COL23A1: variants seen among roughly 807,000 people sequenced by gnomAD.
COL23A1 encodes the protein collagen type XXIII alpha 1 chain, also known as collagen alpha-1(XXIII) chain.
COL23A1 carries 97 observed loss-of-function variants against 99.3 expected under a neutral mutation model. The ratio of observed to expected loss-of-function variants is 0.98; its 90% CI spans 0.83 to 1.16. The LOEUF (loss-of-function observed/expected upper bound fraction) is 1.16. Among genes scored for constraint, COL23A1 ranks in the 50% most tolerant of loss-of-function variants. The probability of loss-of-function intolerance (pLI) is 0.00; values close to 1 mark genes in which losing one functional copy is unlikely to be tolerated. For synonymous variants in COL23A1, 320 were observed against 308.2 expected, an observed-to-expected ratio of 1.04 and a Z score of -0.40; for missense variants, 762 against 757.4, an observed-to-expected ratio of 1.01 and a Z score of -0.07.
At chr5:178,305,993 G>A (rs1012547327) in intron 3 of COL23A1, among the ~76,000 whole-genome samples, 2 of 151,996 alleles carry the variant, frequency 1.3e-5, no homozygotes, top group Non-Finnish European at 2.9e-5. Flanking sequence ...CCAACCTCGG[G>A]GACCCGGAGG....
Position 178,366,049 on chromosome 5 carries a change from C to A in COL23A1, c.362-59130G>T, listed in dbSNP as rs1581239621. Among the ~76,000 whole-genome samples the A allele has an allele frequency of 1.3e-5, 2 of 152,202 alleles. No individual in the cohort carries two copies. The highest frequency in any genetic ancestry group is 1.3e-4 in the Admixed American group (2 of 15,288). On this transcript the variant is annotated intron_variant, in intron 2 of 28. Coordinates refer to ENST00000390654, the MANE Select transcript of COL23A1 (RefSeq NM_173465.4). This position sits in a 1 kb window ranked among gnomAD's most constrained non-coding sequence, Gnocchi z 4.4. ...TCATCTGAGCTCGCTTCAGATGACGCCCCCAGTGCCAGGTGATCATCTGCC... is the reference window on the plus strand; with the variant it reads ...TCATCTGAGCTCGCTTCAGATGACGACCCCAGTGCCAGGTGATCATCTGCC...
intron 25 of COL23A1, among the ~76,000 whole-genome samples, chr5:178,243,138 C>T (rs968302255): frequency 6.6e-6 from 1 of 151,168 alleles, no homozygotes. Flanking sequence ...TGCAGTGAGC[C>T]GAGATCGCAC....
intron 2 of COL23A1, among the ~76,000 whole-genome samples, chr5:178,357,776 GTATGTGTA>G (rs1257879568): frequency 1.2e-4 from 18 of 144,266 alleles, no homozygotes; most frequent in African/African-American, 4.4e-4. Flanking sequence ...ATGTATGTGT[GTATGTGTA>G]TGTGTGTGTG....
rs760867158 is a variant in COL23A1, at chr5:178,244,925, TCATC to T, written c.1440+1013_1440+1016del. 3.9e-5 allele frequency among the ~76,000 whole-genome samples: 6 copies of T among 152,100 alleles called. No individual in the cohort carries two copies. The South Asian group carries it at 6.2e-4, about 16-fold the overall frequency. ...CTCTTCACTTCCTTGCTACAATGCATCATCCATCCATCCATCCATCCCTCCACTG... is the reference window on the plus strand; with the variant it reads ...CTCTTCACTTCCTTGCTACAATGCATCATCCATCCATCCATCCCTCCACTG... On this transcript the variant is annotated intron_variant, in intron 25 of 28. Transcript: ENST00000390654.
intron 2 of COL23A1, among the ~76,000 whole-genome samples, chr5:178,551,761 C>A (rs1762015585): frequency 6.6e-6 from 1 of 152,296 alleles, no homozygotes; most frequent in Middle Eastern, 3.4e-3. Context: ...CTGAGCACCC[C>A]CTCAGGGGCC....
In COL23A1 at chr5:178,428,588, C is replaced by T. The variant is rs970740269; in HGVS notation, c.362-121669G>A. Among the ~76,000 whole-genome samples the T allele has an allele frequency of 7.9e-5, 12 of 152,348 alleles. No homozygotes were observed. Among genetic ancestry groups the T allele is most frequent in the South Asian group, 2.1e-4 (1 of 4,832 alleles). ...CTCCTCCTGGCTGGCAGCCCCTGCC[C>T]GGCCCAGGCCTTTTTAGCCCCCGAG... On this transcript the variant is annotated intron_variant, in intron 2 of 28. Transcript: ENST00000390654. The surrounding 1 kb of genome is among the most constrained non-coding windows in gnomAD (Gnocchi z 5.0).
In COL23A1 at chr5:178,456,378, C is replaced by A. The variant is rs562724335; in HGVS notation, c.361+104304G>T. Among the ~76,000 whole-genome samples the A allele has an allele frequency of 2.6e-5, 4 of 152,236 alleles. No homozygotes were observed. The South Asian group carries it at 8.3e-4, about 32-fold the overall frequency. ...AACATGTAACCGATATCAGATGGGA[C>A]TGGACAATGAGAGAAACAGTCAAAA... is the stretch of plus-strand genomic sequence containing the variant. On this transcript the variant is annotated intron_variant, in intron 2 of 28. Transcript: ENST00000390654.
intron 2 of COL23A1, among the ~76,000 whole-genome samples, chr5:178,374,548 G>A (rs538891396): frequency 1.4e-3 from 219 of 152,312 alleles, no homozygotes; most frequent in African/African-American, 5.1e-3. Context: ...ACTTCTCTGT[G>A]CCTCAGTTTC....
chr5:178,240,440 A>C (rs1220380463), intron 27 of COL23A1, among the ~76,000 whole-genome samples: 1 of 152,152 alleles, frequency 6.6e-6, no homozygotes, highest in African/African-American at 2.4e-5. Flanking sequence ...CACACGGCAC[A>C]CAGCAGGCCA....
intron 6 of COL23A1, 129 bp downstream of exon 6, chr5:178,270,208 C>A: frequency 9.2e-7 from 1 of 1,084,726 alleles, no homozygotes; most frequent in Non-Finnish European, 1.4e-6. Context: ...AGTCTGACAC[C>A]CAAAAGGCTT....
intron 2 of COL23A1, among the ~76,000 whole-genome samples, chr5:178,380,393 T>TTGTGTGTGTG (rs112420315): frequency 2.7e-4 from 40 of 147,220 alleles, no homozygotes; most frequent in South Asian, 1.3e-3. Flanking sequence ...GAGCATGCAT[T>TTGTGTGTGTG]TGTGTGTGTG....
intron 22 of COL23A1, 61 bp downstream of exon 22, chr5:178,247,465 G>T (rs573225345): frequency 9.4e-6 from 15 of 1,594,464 alleles, no homozygotes; most frequent in East Asian, 2.2e-5. Flanking sequence ...CATTGGCAAG[G>T]CTCTTGGAAA....
intron 1 of COL23A1, among the ~76,000 whole-genome samples, chr5:178,573,958 A>C (rs1162374779): frequency 6.6e-6 from 1 of 152,084 alleles, no homozygotes; most frequent in Non-Finnish European, 1.5e-5. Flanking sequence ...TCCCAGGTTC[A>C]AGCGATTCTC....
Position 178,310,409 on chromosome 5 carries a change from C to T in COL23A1, c.362-3490G>A, listed in dbSNP as rs891048572. 2.0e-5 allele frequency among the ~76,000 whole-genome samples: 3 copies of T among 152,208 alleles called. No homozygotes were observed. Among genetic ancestry groups the T allele is most frequent in the Middle Eastern group, 3.2e-3 (1 of 316 alleles). The stretch of plus-strand genomic sequence containing the variant: ...ACCCAGTGAGCATGAACTTGGGACC[C>T]TTTTCCTCCAGGACTCCCTGTGCCC... On this transcript the variant is annotated intron_variant, in intron 2 of 28. Coordinates refer to ENST00000390654, the MANE Select transcript of COL23A1 (RefSeq NM_173465.4). This position sits in a 1 kb window ranked among gnomAD's most constrained non-coding sequence, Gnocchi z 4.3.
chr5:178,514,794 G>C (rs1029799422), intron 2 of COL23A1, among the ~76,000 whole-genome samples: 6 of 152,196 alleles, frequency 3.9e-5, no homozygotes, highest in Non-Finnish European at 7.3e-5. Context: ...CGTTTTCCCA[G>C]GCTCAGAATC....
intron 2 of COL23A1, among the ~76,000 whole-genome samples, chr5:178,450,090 G>A (rs961500198): frequency 1.3e-5 from 2 of 152,150 alleles, no homozygotes; most frequent in African/African-American, 4.8e-5. Context: ...TGATTTAGAT[G>A]TGGGAATTAC....
chr5:178,362,297 G>T (rs867430657), intron 2 of COL23A1, among the ~76,000 whole-genome samples: 2 of 152,240 alleles, frequency 1.3e-5, no homozygotes, highest in Middle Eastern at 6.8e-3. Flanking sequence ...TCCGAATAGC[G>T]GCTCAACCAC....
At chr5:178,524,356 A>G (rs995597036) in intron 2 of COL23A1, among the ~76,000 whole-genome samples, 2 of 152,184 alleles carry the variant, frequency 1.3e-5, no homozygotes, top group African/African-American at 2.4e-5. Flanking sequence ...AAGTTCCAGG[A>G]AAATCCTAGA....
chr5:178,329,172 C>A (rs1483683847), intron 2 of COL23A1, among the ~76,000 whole-genome samples: 1 of 152,202 alleles, frequency 6.6e-6, no homozygotes, highest in Non-Finnish European at 1.5e-5. Flanking sequence ...AAGTTCACTG[C>A]CAAATTGATT....
Sources: gnomAD v4.1 joint callset for allele counts (sites outside exome capture counted in the v4.1 genomes callset) on GRCh38, gnomAD v4.1.1 for gene constraint, Gnocchi (gnomAD v3.1) non-coding constraint, MANE v1.5 for transcripts, NCBI Gene and HGNC (gene_info 2026-07-23, HGNC 2026-07-21) for gene names.